Variants in EFCAB14 observed in about 807,000 individuals in gnomAD.
EFCAB14 encodes EF-hand calcium-binding domain-containing protein 14.
Under a neutral mutation model 56.5 loss-of-function variants are expected in EFCAB14, and 43 were observed. The observed-to-expected ratio is 0.76, with a 90% CI of 0.60 to 0.98. The LOEUF is 0.98. EFCAB14 is among the 50% of genes least tolerant of loss of function. The probability of loss-of-function intolerance (pLI) is 0.00; values close to 1 mark genes in which losing one functional copy is unlikely to be tolerated. For missense variants in EFCAB14, 538 were observed against 580.3 expected (o/e 0.93, Z 0.75); for synonymous variants, 235 against 212.9 (o/e 1.10, Z -0.90).
At chr1:46,694,389 T>A (rs1454848618) in intron 4 of EFCAB14, among the ~76,000 whole-genome samples, 1 of 151,542 alleles carries the variant, frequency 6.6e-6, no homozygotes, top group African/African-American at 2.4e-5. Context: ...CAAGAAAAAA[T>A]CAAACAACCC....
chr1:46,686,740 T>C, intron 8 of EFCAB14, 44 bp downstream of exon 8: 1 of 1,578,732 alleles, frequency 6.3e-7, no homozygotes, highest in Non-Finnish European at 8.7e-7. Flanking sequence ...ACAGAGATGC[T>C]GCTGCATTTA....
At chr1:46,707,843 A>G in intron 3 of EFCAB14, 63 bp downstream of exon 3, 1 of 1,534,362 alleles carries the variant, frequency 6.5e-7, no homozygotes, top group Non-Finnish European at 8.8e-7. Flanking sequence ...TCTATATCCT[A>G]TTCATACTAA....
rs185653912 is a variant in EFCAB14, at chr1:46,696,602, C to T, written c.528G>A (p.Lys176=). Residue 176 remains lysine, a synonymous_variant, in exon 4 of 11, where the codon AAG becomes AAA. Transcript: ENST00000371933. The part of the protein sequence containing the change: ...SAVNHLKANV[K]SAADLISLPT... ...GCAGGCTAATCAAGTCTGCAGCTGA[C>T]TTAACATTGGCTTTGAGGTGGTTCA... 75 of 1,613,728 alleles carry T rather than the reference C, an allele frequency of 4.6e-5. No individual in the cohort carries two copies. The Admixed American group carries it at 1.2e-3, about 25-fold the overall frequency.
At chr1:46,699,065 G>A (rs891126131) in intron 3 of EFCAB14, among the ~76,000 whole-genome samples, 3 of 152,166 alleles carry the variant, frequency 2.0e-5, no homozygotes, top group Admixed American at 6.5e-5. Flanking sequence ...AGAATTAAGG[G>A]AAACTCTTAG....
intron 3 of EFCAB14, among the ~76,000 whole-genome samples, chr1:46,705,480 T>C (rs1210802782): frequency 6.6e-6 from 1 of 152,238 alleles, no homozygotes; most frequent in Non-Finnish European, 1.5e-5. Context: ...GGGGCCACTG[T>C]CTGTTTGCAT....
intron 3 of EFCAB14, among the ~76,000 whole-genome samples, chr1:46,700,815 T>C (rs771136754): frequency 3.9e-5 from 6 of 152,176 alleles, no homozygotes; most frequent in Non-Finnish European, 5.9e-5. Flanking sequence ...CTGCAGAACA[T>C]ATATTGAATG....
At chr1:46,691,151 T>C (rs982718695) in intron 5 of EFCAB14, among the ~76,000 whole-genome samples, 1 of 152,216 alleles carries the variant, frequency 6.6e-6, no homozygotes, top group Non-Finnish European at 1.5e-5. Context: ...CCAGAGATAT[T>C]TGAAAACAAT....
chr1:46,710,616 T>C (rs1044905965), intron 2 of EFCAB14, among the ~76,000 whole-genome samples: 24 of 152,222 alleles, frequency 1.6e-4, no homozygotes, highest in Non-Finnish European at 2.8e-4. Context: ...GGCAGTGGCA[T>C]GATCATAGCT....
intron 10 of EFCAB14, among the ~76,000 whole-genome samples, chr1:46,680,212 TATACTC>T (rs1676770796): frequency 6.6e-6 from 1 of 152,176 alleles, no homozygotes; most frequent in Non-Finnish European, 1.5e-5. Flanking sequence ...TAGGTATATA[TATACTC>T]AAGGCAAATG....
intron 3 of EFCAB14, among the ~76,000 whole-genome samples, chr1:46,703,792 T>G (rs1677195054): frequency 6.6e-6 from 1 of 152,218 alleles, no homozygotes; most frequent in Non-Finnish European, 1.5e-5. Context: ...GCTGTATATA[T>G]GCATGCTGGG....
chr1:46,686,975 G>A, intron 7 of EFCAB14, 105 bp from the exon 8 acceptor site: 3 of 1,046,708 alleles, frequency 2.9e-6, no homozygotes, highest in Non-Finnish European at 4.3e-6. Context: ...CTTATTTAAA[G>A]GATCTCAGAA....
At chr1:46,683,472 C>T in intron 9 of EFCAB14, 47 bp from the exon 10 acceptor site, 1 of 1,572,620 alleles carries the variant, frequency 6.4e-7, no homozygotes, top group Non-Finnish European at 8.6e-7. Context: ...GAATCTAACA[C>T]CAAATTAAAC....
chr1:46,684,695 G>T, intron 8 of EFCAB14, 93 bp from the exon 9 acceptor site: 2 of 1,011,036 alleles, frequency 2.0e-6, no homozygotes, highest in Non-Finnish European at 3.1e-6. Flanking sequence ...AGCATGTAGT[G>T]TTTGACCCTC....
intron 4 of EFCAB14, among the ~76,000 whole-genome samples, chr1:46,693,070 C>T (rs1459783085): frequency 3.3e-5 from 5 of 152,028 alleles, no homozygotes; most frequent in Non-Finnish European, 7.4e-5. Flanking sequence ...AAACTCAATA[C>T]TGCAGAGATG....
intron 4 of EFCAB14, among the ~76,000 whole-genome samples, chr1:46,692,338 A>C (rs1258134429): frequency 1.3e-5 from 2 of 152,202 alleles, no homozygotes; most frequent in Non-Finnish European, 2.9e-5. Flanking sequence ...ATCACAGTTT[A>C]TCTCTCCCCC....
intron 8 of EFCAB14, among the ~76,000 whole-genome samples, chr1:46,684,906 C>T (rs1159230992): frequency 2.0e-5 from 3 of 152,216 alleles, no homozygotes; most frequent in African/African-American, 7.2e-5. Flanking sequence ...TACCCTTGCT[C>T]AGGTGCCTAT....
chr1:46,717,361 T>C (rs1490782699), intron 1 of EFCAB14, among the ~76,000 whole-genome samples: 2 of 152,160 alleles, frequency 1.3e-5, no homozygotes, highest in African/African-American at 4.8e-5. Context: ...TCTTACTACT[T>C]GATTTGCCTA....
chr1:46,709,061 T>C (rs987346608), intron 2 of EFCAB14, among the ~76,000 whole-genome samples: 4 of 152,192 alleles, frequency 2.6e-5, no homozygotes, highest in African/African-American at 9.7e-5. Context: ...TCCAAGACTA[T>C]TTTGTTCATT....
chr1:46,683,448 TA>T (rs745870616), intron 9 of EFCAB14, 23 bp from the exon 10 acceptor site: 108 of 1,607,116 alleles, frequency 6.7e-5, no homozygotes, highest in Admixed American at 3.4e-5. Context: ...CATAAGGTTT[TA>T]TTTAGTATTA....
Sources: gnomAD v4.1 joint callset for allele counts (sites outside exome capture counted in the v4.1 genomes callset) on GRCh38, gnomAD v4.1.1 for gene constraint, MANE v1.5 for transcripts, NCBI Gene and HGNC (gene_info 2026-07-23, HGNC 2026-07-21) for gene names.